The following CDKL1 variants were observed in gnomAD, a reference collection of about 807,000 sequenced individuals.
CDKL1 encodes cyclin dependent kinase like 1.
CDKL1 carries 41 observed loss-of-function variants against 42.0 expected under a neutral mutation model. The observed-to-expected ratio is 0.98, with a 90% confidence interval of 0.76 to 1.27. The LOEUF (loss-of-function observed/expected upper bound fraction) is 1.27. Among genes scored for constraint, CDKL1 ranks in the 50% most tolerant of loss-of-function variants. CDKL1 has a pLI of 0.00. For missense variants in CDKL1, 394 were observed against 428.4 expected (o/e 0.92, Z 0.71); for synonymous variants, 153 against 158.6 (o/e 0.96, Z 0.26).
intron 2 of CDKL1, among the ~76,000 whole-genome samples, chr14:50,360,217 C>T (rs1167242811): frequency 1.3e-5 from 2 of 152,126 alleles, no homozygotes; most frequent in Non-Finnish European, 2.9e-5. Flanking sequence ...ATACATACAA[C>T]ACAAAATATA....
At chr14:50,372,266 C>T (rs1324876946) in intron 2 of CDKL1, among the ~76,000 whole-genome samples, 2 of 151,896 alleles carry the variant, frequency 1.3e-5, no homozygotes, top group Non-Finnish European at 2.9e-5. Flanking sequence ...TACAGGCGTG[C>T]ACCACCACAC....
intron 2 of CDKL1, among the ~76,000 whole-genome samples, chr14:50,364,358 A>G (rs1370529218): frequency 1.3e-5 from 2 of 152,132 alleles, no homozygotes; most frequent in Non-Finnish European, 1.5e-5. Context: ...AATCCCAGCT[A>G]CTCGGGAGAC....
chr14:50,337,725 G>A (rs1033598842), intron 7 of CDKL1, among the ~76,000 whole-genome samples: 13 of 138,004 alleles, frequency 9.4e-5, no homozygotes, highest in Admixed American at 4.8e-4. Context: ...TACTCCTGTC[G>A]CCCAGGCTAG....
At chr14:50,394,647 G>A (rs552355814) in intron 2 of CDKL1, among the ~76,000 whole-genome samples, 18 of 152,330 alleles carry the variant, frequency 1.2e-4, no homozygotes, top group Admixed American at 1.2e-3. Context: ...TCAGAACAGA[G>A]AGGCCATAAC....
At chr14:50,381,411 A>G (rs2034903864) in intron 2 of CDKL1, among the ~76,000 whole-genome samples, 1 of 152,224 alleles carries the variant, frequency 6.6e-6, no homozygotes, top group Admixed American at 6.5e-5. Flanking sequence ...ACAAAGAGGT[A>G]GCTCCTTTTC....
At chr14:50,335,417 C>G (rs1178673826) in intron 7 of CDKL1, 1 of 1,414,508 alleles carries the variant, frequency 7.1e-7, no homozygotes. Flanking sequence ...GGAATAAACA[C>G]TGTTGTCTCC....
At chr14:50,394,934 C>T (rs1333657984) in intron 2 of CDKL1, among the ~76,000 whole-genome samples, 2 of 151,930 alleles carry the variant, frequency 1.3e-5, no homozygotes, top group South Asian at 2.1e-4. Context: ...GCCAGGAACT[C>T]GAGACCAGCC....
At chr14:50,394,233 T>C (rs1253718623) in intron 2 of CDKL1, among the ~76,000 whole-genome samples, 1 of 152,152 alleles carries the variant, frequency 6.6e-6, no homozygotes, top group Non-Finnish European at 1.5e-5. Flanking sequence ...GAAGTGAAAA[T>C]GCCCAACAGC....
At chr14:50,389,127 A>AGAAAAG in intron 2 of CDKL1, among the ~76,000 whole-genome samples, 1 of 148,408 alleles carries the variant, frequency 6.7e-6, no homozygotes, top group South Asian at 2.1e-4. Context: ...AAAAAAAGAG[A>AGAAAAG]GAGAAAAGAA....
At chr14:50,367,627 T>G (rs1417414798) in intron 2 of CDKL1, among the ~76,000 whole-genome samples, 1 of 152,242 alleles carries the variant, frequency 6.6e-6, no homozygotes, top group Non-Finnish European at 1.5e-5. Context: ...TCACGGTACA[T>G]ACAAGTAAAC....
intron 2 of CDKL1, among the ~76,000 whole-genome samples, chr14:50,367,941 T>C (rs986152864): frequency 2.0e-5 from 3 of 152,242 alleles, no homozygotes; most frequent in African/African-American, 7.2e-5. Flanking sequence ...TTTGTGTTTT[T>C]TAAAATTTTC....
chr14:50,344,634 TCA>T (rs2033669958), intron 4 of CDKL1, among the ~76,000 whole-genome samples: 2 of 151,778 alleles, frequency 1.3e-5, no homozygotes, highest in South Asian at 4.2e-4. Flanking sequence ...CGCACCCAGT[TCA>T]TTTTTTTTTA....
chr14:50,390,147 T>C, intron 2 of CDKL1: 2 of 1,366,160 alleles, frequency 1.5e-6, no homozygotes, highest in Non-Finnish European at 9.8e-7. Context: ...TAGCAGTAGA[T>C]GATTCCTTCT....
chr14:50,335,383 TG>T, intron 7 of CDKL1: 1 of 1,062,806 alleles, frequency 9.4e-7, no homozygotes, highest in Non-Finnish European at 1.4e-6. Flanking sequence ...CCTACCCAGG[TG>T]AACAGATGCT....
chr14:50,384,258 T>C (rs917999905), intron 2 of CDKL1, among the ~76,000 whole-genome samples: 4 of 152,238 alleles, frequency 2.6e-5, no homozygotes, highest in African/African-American at 4.8e-5. Context: ...GAATGAAAAC[T>C]GTCCAATCCC....
intron 4 of CDKL1, chr14:50,343,144 A>T: frequency 1.4e-6 from 1 of 701,666 alleles, no homozygotes; most frequent in Non-Finnish European, 1.9e-6. Context: ...CAACAACCTA[A>T]TTAAGAGTTA....
Position 50,396,644 on chromosome 14 carries a change from C to A in CDKL1, c.-462+180G>T, listed in dbSNP as rs549804282. On this transcript the variant is annotated intron_variant, in intron 1 of 9. Transcript: ENST00000395834. Reference sequence around the variant, plus strand: ...GGCAAGAAGACACCTCCCGGCTCCCCGCGGAGGCGGCGGCGAGGCTTGGCC... The same window carrying A: ...GGCAAGAAGACACCTCCCGGCTCCCAGCGGAGGCGGCGGCGAGGCTTGGCC... The A allele has an allele frequency of 4.0e-5, 8 of 201,946 alleles. No individual in the cohort carries two copies. The South Asian group carries it at 1.2e-3, about 30-fold the overall frequency. The allele number at this position is 201,946 out of a possible 1,614,324, so 12.5% of individuals were successfully genotyped here.
At chr14:50,335,508 C>G in intron 7 of CDKL1, 1 of 1,536,050 alleles carries the variant, frequency 6.5e-7, no homozygotes, top group Non-Finnish European at 8.7e-7. Context: ...CTCCTTTTGG[C>G]CGTATAAGGC....
chr14:50,372,261 G>T (rs574033834), intron 2 of CDKL1, among the ~76,000 whole-genome samples: 1 of 152,128 alleles, frequency 6.6e-6, no homozygotes, highest in Non-Finnish European at 1.5e-5. Flanking sequence ...GGGATTACAG[G>T]CGTGCACCAC....
Sources: gnomAD v4.1 joint callset for allele counts (sites outside exome capture counted in the v4.1 genomes callset) on GRCh38, gnomAD v4.1.1 for gene constraint, MANE v1.5 for transcripts, NCBI Gene and HGNC (gene_info 2026-07-23, HGNC 2026-07-21) for gene names.